SLC22A15: variants seen among roughly 807,000 people sequenced by gnomAD.
SLC22A15 encodes flipt 1.
A neutral mutation model predicts 62.7 loss-of-function variants in SLC22A15; 45 were observed. The observed-to-expected ratio is 0.72, with a 90% CI of 0.56 to 0.92. The LOEUF (loss-of-function observed/expected upper bound fraction) is 0.92. SLC22A15 is among the 40% of genes least tolerant of loss of function. The probability of loss-of-function intolerance (pLI) is 0.00; values close to 1 mark genes in which losing one functional copy is unlikely to be tolerated. For missense variants in SLC22A15, 622 were observed against 665.6 expected (o/e 0.93, Z 0.72); for synonymous variants, 264 against 267.0 (o/e 0.99, Z 0.11).
intron 2 of SLC22A15, among the ~76,000 whole-genome samples, chr1:115,999,615 T>C (rs902122967): frequency 2.0e-5 from 3 of 151,718 alleles, no homozygotes; most frequent in East Asian, 1.9e-4. Context: ...TTCATTCTCA[T>C]GCCTCAGCCT....
chr1:115,986,416 T>C (rs1231719663), intron 1 of SLC22A15, among the ~76,000 whole-genome samples: 1 of 152,190 alleles, frequency 6.6e-6, no homozygotes, highest in Non-Finnish European at 1.5e-5. Flanking sequence ...ACACATTATA[T>C]AATGATACAA....
intron 8 of SLC22A15, among the ~76,000 whole-genome samples, chr1:116,042,888 AACATTT>A: frequency 6.6e-6 from 1 of 152,336 alleles, no homozygotes; most frequent in East Asian, 1.9e-4. Flanking sequence ...GTGCACACAG[AACATTT>A]GCCAAGAGAG....
chr1:116,054,761 T>C (rs149565491), intron 8 of SLC22A15, among the ~76,000 whole-genome samples: 6,707 of 152,188 alleles, frequency 0.044, 187 homozygotes, highest in African/African-American at 0.07. Flanking sequence ...CACTCAAAAC[T>C]GCTCAACTAC....
At chr1:116,018,031 T>G (rs1994829) in intron 2 of SLC22A15, among the ~76,000 whole-genome samples, 6,665 of 152,312 alleles carry the variant, frequency 0.044, 186 homozygotes, top group African/African-American at 0.069. Context: ...AAATTTACCA[T>G]TTTATTCACA....
intron 2 of SLC22A15, among the ~76,000 whole-genome samples, chr1:116,006,502 A>G (rs1454237493): frequency 6.6e-6 from 1 of 152,186 alleles, no homozygotes; most frequent in East Asian, 1.9e-4. Context: ...TGAGAGGAAA[A>G]GAATTAAGGG....
At chr1:116,038,372 G>C (rs796552618) in intron 8 of SLC22A15, among the ~76,000 whole-genome samples, 2 of 152,074 alleles carry the variant, frequency 1.3e-5, no homozygotes, top group Admixed American at 1.3e-4. Context: ...TCATTTCTGC[G>C]TGTCTCATTA....
intron 8 of SLC22A15, among the ~76,000 whole-genome samples, chr1:116,045,738 CAA>C (rs34360597): frequency 2.0e-5 from 2 of 101,702 alleles, no homozygotes; most frequent in Non-Finnish European, 3.7e-5. Context: ...GACTCCATCT[CAA>C]AAAAAAAAAA....
chr1:115,991,836 A>G (rs6697290), intron 1 of SLC22A15, among the ~76,000 whole-genome samples, 195 bp from the exon 2 acceptor site: 34,196 of 152,166 alleles, frequency 0.22, 4,452 homozygotes, highest in East Asian at 0.48. Context: ...GGGATTGCCA[A>G]TGATTCTGTT....
intron 2 of SLC22A15, among the ~76,000 whole-genome samples, chr1:116,003,946 TCCTCAGGA>T (rs1655855206): frequency 6.6e-6 from 1 of 152,204 alleles, no homozygotes; most frequent in Non-Finnish European, 1.5e-5. Flanking sequence ...TGGAGTTCCT[TCCTCAGGA>T]AACTGAACCT....
chr1:116,054,112 AT>A (rs1658134002), intron 8 of SLC22A15, among the ~76,000 whole-genome samples: 1 of 152,190 alleles, frequency 6.6e-6, no homozygotes, highest in Non-Finnish European at 1.5e-5. Flanking sequence ...AGACTGGCAA[AT>A]TGGATAAAGA....
Position 116,005,545 on chromosome 1 carries a change from A to G in SLC22A15, c.300+13302A>G, listed in dbSNP as rs147988677. On this transcript the variant is annotated intron_variant, in intron 2 of 11. Coordinates refer to ENST00000369503, the MANE Select transcript of SLC22A15 (RefSeq NM_018420.3). ...ACTAAATTCTTGTAATCAAAGTAGC[A>G]CATAAAAAACTGTCTTGCAGGCTTG... Among the ~76,000 whole-genome samples, 40 of 152,310 alleles carry G rather than the reference A, an allele frequency of 2.6e-4. No homozygotes were observed. The East Asian group carries it at 7.3e-3, about 28-fold the overall frequency.
intron 2 of SLC22A15, among the ~76,000 whole-genome samples, chr1:115,996,237 A>G (rs1655417066): frequency 6.6e-6 from 1 of 152,236 alleles, no homozygotes; most frequent in Non-Finnish European, 1.5e-5. Flanking sequence ...TTATATAAGC[A>G]GATTTGGAAT....
At chr1:116,061,823 A>G (rs556789161) in intron 8 of SLC22A15, among the ~76,000 whole-genome samples, 1 of 152,234 alleles carries the variant, frequency 6.6e-6, no homozygotes, top group East Asian at 1.9e-4. Context: ...AAATAAAAGC[A>G]TTACATTAAG....
chr1:116,000,625 C>CTTTTT (rs56303802), intron 2 of SLC22A15, among the ~76,000 whole-genome samples: 24 of 88,226 alleles, frequency 2.7e-4, no homozygotes, highest in East Asian at 7.4e-4. Context: ...CTTTTTTTTC[C>CTTTTT]TTTTTTTTTT....
chr1:116,068,750 T>C lies in SLC22A15; in HGVS notation c.*1642T>C, dbSNP rs942402861. ...AGCAAATCTGACCCAAACTCCCAAA[T>C]TGTCAAGTCCTGCTTAACTTTCTCT... On this transcript the variant is annotated 3_prime_UTR_variant, in exon 12 of 12. Transcript: ENST00000369503. 4 of 152,242 alleles carry C rather than the reference T, an allele frequency of 2.6e-5. No individual in the cohort carries two copies. In the East Asian group the frequency reaches 5.8e-4, roughly 22 times the overall value. The allele number at this position is 152,242 out of a possible 1,614,324, so 9.4% of individuals were successfully genotyped here.
At chr1:116,016,284 G>A (rs946350131) in intron 2 of SLC22A15, among the ~76,000 whole-genome samples, 1 of 151,294 alleles carries the variant, frequency 6.6e-6, no homozygotes, top group African/African-American at 2.4e-5. Context: ...AACCTCCCAG[G>A]CTCACTGTAA....
Position 116,066,721 on chromosome 1 carries a change from T to G in SLC22A15, c.1554+13T>G. 5 of 1,603,686 alleles carry G rather than the reference T, an allele frequency of 3.1e-6. No individual in the cohort carries two copies. Among genetic ancestry groups the G allele is most frequent in the Non-Finnish European group, 4.3e-6 (5 of 1,175,222 alleles). On this transcript the variant is annotated intron_variant, in intron 11 of 11. Coordinates refer to ENST00000369503, the MANE Select transcript of SLC22A15 (RefSeq NM_018420.3). ...GGACCCCCAACAGGTGTGATATTTTTCTTAATTATTATACCGCTTGGATAG... is the reference window on the plus strand; with the variant it reads ...GGACCCCCAACAGGTGTGATATTTTGCTTAATTATTATACCGCTTGGATAG...
chr1:116,045,600 G>T (rs979265046), intron 8 of SLC22A15, among the ~76,000 whole-genome samples: 3 of 151,508 alleles, frequency 2.0e-5, no homozygotes, highest in Non-Finnish European at 1.5e-5. Flanking sequence ...TTAGCTGGGC[G>T]TGGTGGTGCA....
At chr1:116,052,749 G>A (rs557096909) in intron 8 of SLC22A15, among the ~76,000 whole-genome samples, 40 of 152,304 alleles carry the variant, frequency 2.6e-4, no homozygotes, top group African/African-American at 8.7e-4. Context: ...CGCGGTTCAC[G>A]AAAATCTACT....
Sources: allele counts gnomAD v4.1 joint callset (sites outside exome capture counted in the v4.1 genomes callset), GRCh38; gene constraint gnomAD v4.1.1; transcripts MANE v1.5; gene names NCBI Gene and HGNC (gene_info 2026-07-23, HGNC 2026-07-21).